The following ACCSL variants were observed in gnomAD, a reference collection of about 807,000 sequenced individuals.
ACCSL encodes the protein probable inactive 1-aminocyclopropane-1-carboxylate synthase-like protein 2.
A neutral mutation model predicts 61.7 loss-of-function variants in ACCSL; 55 were observed. The observed-to-expected ratio is 0.89, with a 90% CI of 0.72 to 1.12. The LOEUF (loss-of-function observed/expected upper bound fraction) is 1.12. ACCSL is among the 50% of genes most tolerant of loss of function. ACCSL has a pLI of 0.00. For missense variants in ACCSL, 632 were observed against 698.0 expected (o/e 0.91, Z 1.07); for synonymous variants, 258 against 264.3 (o/e 0.98, Z 0.23).
chr11:43,934,948 G>C, the ACCSL span, among the ~76,000 whole-genome samples: 360 of 152,244 alleles, frequency 2.4e-3, 3 homozygotes, highest in African/African-American at 8.0e-3. Context: ...GGGTAGGGAC[G>C]ATGGGGGAGG....
chr11:44,047,939 C>T (rs572926058), upstream of ACCSL: 2 of 1,441,160 alleles, frequency 1.4e-6, no homozygotes, highest in Admixed American at 4.3e-5. Context: ...CATTCCTGGA[C>T]CTGAGGGTCC....
chr11:43,929,852 G>A, the ACCSL span, among the ~76,000 whole-genome samples: 2 of 152,160 alleles, frequency 1.3e-5, no homozygotes, highest in Non-Finnish European at 2.9e-5. Flanking sequence ...GGCCTCTTGT[G>A]TGGGCTTTGG....
At chr11:43,958,982 G>A in the ACCSL span, among the ~76,000 whole-genome samples, 2 of 152,174 alleles carry the variant, frequency 1.3e-5, no homozygotes, top group African/African-American at 4.8e-5. Context: ...CATGGCAGAA[G>A]GTAGAAGGGC....
At chr11:43,970,832 G>A in the ACCSL span, among the ~76,000 whole-genome samples, 9 of 152,262 alleles carry the variant, frequency 5.9e-5, no homozygotes, top group South Asian at 1.9e-3. Context: ...GTCAGTGGGA[G>A]CCCAGTAGCA....
the ACCSL span, among the ~76,000 whole-genome samples, chr11:43,967,510 C>A: frequency 6.3e-3 from 965 of 152,152 alleles, 8 homozygotes; most frequent in Middle Eastern, 0.027. Context: ...TCATCTCCCC[C>A]CATAGTCTTT....
At chr11:44,005,268 T>C in the ACCSL span, among the ~76,000 whole-genome samples, 1 of 152,234 alleles carries the variant, frequency 6.6e-6, no homozygotes, top group African/African-American at 2.4e-5. Context: ...CCTCCCCGGA[T>C]TGGCTGATGG....
chr11:44,059,199 G>A lies in ACCSL; in HGVS notation c.1624+500G>A, dbSNP rs555623675. On this transcript the variant is annotated intron_variant, in intron 13 of 13. Transcript: ENST00000378832. ...GGAGGTTGCAGTGAGCTGAGATTGCGCCACTGCACTCCAGCCTGGGCGACA... is the reference window on the plus strand; with the variant it reads ...GGAGGTTGCAGTGAGCTGAGATTGCACCACTGCACTCCAGCCTGGGCGACA... Among the ~76,000 whole-genome samples, 174 of 152,252 alleles carry A rather than the reference G, an allele frequency of 1.1e-3. 1 individual carries two copies. Among genetic ancestry groups the A allele is most frequent in the Admixed American group, 2.6e-3 (39 of 15,290 alleles).
At chr11:43,966,359 GA>G in the ACCSL span, among the ~76,000 whole-genome samples, 1 of 150,930 alleles carries the variant, frequency 6.6e-6, no homozygotes, top group Non-Finnish European at 1.5e-5. Flanking sequence ...CTGGGAAGCA[GA>G]GGTTGCAGTC....
chr11:44,010,065 GTGCAATGGCTCA>G, the ACCSL span, among the ~76,000 whole-genome samples: 1 of 152,242 alleles, frequency 6.6e-6, no homozygotes, highest in Non-Finnish European at 1.5e-5. Flanking sequence ...TCTCAGCTGT[GTGCAATGGCTCA>G]TGCCTGTAAT....
chr11:44,047,628 A>G (rs1952606913), upstream of ACCSL, among the ~76,000 whole-genome samples: 1 of 152,198 alleles, frequency 6.6e-6, no homozygotes, highest in Admixed American at 6.5e-5. Context: ...TGTTTTACTC[A>G]GTGGGTAGTG....
At chr11:44,056,375 T>C (rs764327720) in intron 11 of ACCSL, 49 bp downstream of exon 11, 4 of 1,579,120 alleles carry the variant, frequency 2.5e-6, no homozygotes, top group Non-Finnish European at 1.7e-6. Context: ...CTCATGGCCA[T>C]GGGGAATTCT....
the ACCSL span, among the ~76,000 whole-genome samples, chr11:44,029,723 T>C: frequency 2.0e-5 from 3 of 152,128 alleles, no homozygotes; most frequent in African/African-American, 7.2e-5. Context: ...CCAAGTTCCA[T>C]AGAGCCCCCG....
the ACCSL span, among the ~76,000 whole-genome samples, chr11:44,035,690 C>T: frequency 7.4e-4 from 112 of 152,228 alleles, no homozygotes; most frequent in African/African-American, 2.6e-3. Context: ...GTAATCTCAG[C>T]GCTTTGGGAG....
chr11:44,047,169 G>C (rs1952603906), upstream of ACCSL, among the ~76,000 whole-genome samples: 1 of 152,172 alleles, frequency 6.6e-6, no homozygotes, highest in South Asian at 2.1e-4. Flanking sequence ...CGCCCTCCAG[G>C]TGATTCTGAT....
At chr11:44,036,950 A>C in the ACCSL span, among the ~76,000 whole-genome samples, 8 of 152,136 alleles carry the variant, frequency 5.3e-5, no homozygotes, top group African/African-American at 1.9e-4. Flanking sequence ...TGCTGTCTCC[A>C]AAGTGAGTTT....
chr11:43,942,968 T>A, the ACCSL span: 1 of 1,490,816 alleles, frequency 6.7e-7, no homozygotes, highest in African/African-American at 1.5e-5. Context: ...GATGCCGCAC[T>A]TCGTGTGCCT....
At chr11:43,976,599 G>A in the ACCSL span, among the ~76,000 whole-genome samples, 1 of 152,182 alleles carries the variant, frequency 6.6e-6, no homozygotes, top group Non-Finnish European at 1.5e-5. Context: ...TCATCAAGCA[G>A]TGATCCAGAG....
Position 44,048,163 on chromosome 11 carries a change from C to T in ACCSL, c.127C>T (p.His43Tyr), listed in dbSNP as rs760768129. Residue 43 changes from histidine (H) to tyrosine (Y), a missense_variant, in exon 1 of 14, where the codon CAC becomes TAC. Physicochemically the swap from His to Tyr is moderately conservative, Grantham distance 83. Transcript: ENST00000378832. ...GCACTTGCAGCAGGCCATGACGGAG[C>T]ACTTCGTGCAGCTGACGAGCAGACA... ...TLHLQQAMTE[H>Y]FVQLTSRQGL... is the part of the protein sequence containing the mutation. 96 of 1,614,094 alleles carry T rather than the reference C, an allele frequency of 5.9e-5. No homozygotes were observed. The highest frequency in any genetic ancestry group is 7.9e-5 in the Non-Finnish European group (93 of 1,180,054).
intron 3 of ACCSL, 125 bp from the exon 4 acceptor site, chr11:44,051,210 G>A (rs1436742254): frequency 6.5e-6 from 6 of 926,978 alleles, no homozygotes; most frequent in Non-Finnish European, 1.1e-5. Context: ...GTCTTAGTCA[G>A]TAGCCCTGTA....
Sources: allele counts gnomAD v4.1 joint callset (sites outside exome capture counted in the v4.1 genomes callset), GRCh38; gene constraint gnomAD v4.1.1; transcripts MANE v1.5; gene names NCBI Gene and HGNC (gene_info 2026-07-23, HGNC 2026-07-21).